SUPT20H: variants seen among roughly 807,000 people sequenced by gnomAD.
SUPT20H encodes the protein SPT20 homolog, SAGA complex component, also known as transcription factor SPT20 homolog.
In SUPT20H, 82 loss-of-function variants were observed where a neutral mutation model predicts 122.8. That is an observed-to-expected ratio of 0.67 (90% CI 0.56 to 0.80). The LOEUF is 0.80. Among genes scored for constraint, SUPT20H ranks in the 30% least tolerant of loss-of-function variants. SUPT20H has a pLI of 0.00. For synonymous variants in SUPT20H, 291 were observed against 313.0 expected, an observed-to-expected ratio of 0.93 and a Z score of 0.74; for missense variants, 831 against 921.6, an observed-to-expected ratio of 0.90 and a Z score of 1.27.
chr13:37,047,461 C>T (rs1017331002), intron 5 of SUPT20H, 74 bp downstream of exon 5: 27 of 1,349,502 alleles, frequency 2.0e-5, no homozygotes, highest in Non-Finnish European at 2.6e-5. Context: ...AAAAATAATA[C>T]TCCAAATGTA....
At chr13:37,017,839 A>G (rs1213403159) in intron 22 of SUPT20H, among the ~76,000 whole-genome samples, 1 of 152,224 alleles carries the variant, frequency 6.6e-6, no homozygotes, top group Non-Finnish European at 1.5e-5. Context: ...AGCTGAAAAG[A>G]AAGTGCATTT....
intron 1 of SUPT20H, among the ~76,000 whole-genome samples, chr13:37,057,889 A>C (rs1403501267): frequency 6.9e-6 from 1 of 145,640 alleles, no homozygotes; most frequent in Non-Finnish European, 1.5e-5. Flanking sequence ...CAAGAGAATC[A>C]CTTGAACCTG....
intron 3 of SUPT20H, among the ~76,000 whole-genome samples, 189 bp from the exon 4 acceptor site, chr13:37,048,125 C>T (rs915883413): frequency 2.0e-5 from 3 of 152,132 alleles, no homozygotes; most frequent in South Asian, 2.1e-4. Context: ...AACTGCACCA[C>T]GATTTAGCAG....
chr13:37,033,929 T>C (rs2063868165), intron 9 of SUPT20H, among the ~76,000 whole-genome samples: 2 of 152,218 alleles, frequency 1.3e-5, no homozygotes, highest in Non-Finnish European at 2.9e-5. Flanking sequence ...TGTCACATTT[T>C]GGTAATTTTT....
At chr13:37,054,199 G>A (rs887322311) in intron 1 of SUPT20H, among the ~76,000 whole-genome samples, 15 of 152,268 alleles carry the variant, frequency 9.9e-5, no homozygotes, top group Non-Finnish European at 1.2e-4. Flanking sequence ...ACAAGGAGGA[G>A]GTGGTACCAT....
intron 9 of SUPT20H, among the ~76,000 whole-genome samples, chr13:37,036,755 T>A (rs1299503657): frequency 1.3e-5 from 2 of 152,122 alleles, no homozygotes; most frequent in Non-Finnish European, 2.9e-5. Context: ...CTACTCAATG[T>A]GAAGATGATG....
chr13:37,051,221 T>C (rs538760321), intron 2 of SUPT20H, among the ~76,000 whole-genome samples: 13 of 152,354 alleles, frequency 8.5e-5, no homozygotes, highest in African/African-American at 2.9e-4. Flanking sequence ...ATTTGGAATA[T>C]GGCAAAGTAG....
intron 16 of SUPT20H, chr13:37,025,696 C>T (rs755232168): frequency 1.5e-5 from 5 of 337,510 alleles, no homozygotes; most frequent in East Asian, 7.3e-5. Flanking sequence ...ACAGAAATTA[C>T]AGGGATTACT....
chr13:37,044,236 T>C (rs2138823922), intron 6 of SUPT20H, 55 bp from the exon 7 acceptor site: 1 of 1,406,522 alleles, frequency 7.1e-7, no homozygotes, highest in African/African-American at 1.4e-5. Flanking sequence ...AGCTTAGCTG[T>C]ATAATTCAAA....
rs757327637 is a variant in SUPT20H, at chr13:37,017,311, G to A, written c.1926C>T (p.Leu642=). ...FNTLQQQQQQ[L]SQFTPQQPQQ... ...GAGGTTGTTGTGGTGTAAACTGGGAGAGCTGCTGTTGCTGCTGCTGCAGAG... is the reference window on the plus strand; with the variant it reads ...GAGGTTGTTGTGGTGTAAACTGGGAAAGCTGCTGTTGCTGCTGCTGCAGAG... Residue 642 remains leucine (L), a synonymous_variant, in exon 23 of 26, where the codon CTC becomes CTT. Transcript: ENST00000350612. 6.2e-7 allele frequency: 1 copy of A among 1,614,102 alleles called. No individual in the cohort carries two copies. The highest frequency in any genetic ancestry group is 8.5e-7 in the Non-Finnish European group (1 of 1,179,990).
intron 24 of SUPT20H, among the ~76,000 whole-genome samples, chr13:37,011,744 G>A (rs911725700): frequency 1.1e-4 from 17 of 151,938 alleles, no homozygotes; most frequent in Non-Finnish European, 1.5e-5. Context: ...TTTTTTAAAT[G>A]ATAAAAGTGA....
At chr13:37,040,982 A>G (rs1449047783) in intron 7 of SUPT20H, among the ~76,000 whole-genome samples, 1 of 152,232 alleles carries the variant, frequency 6.6e-6, no homozygotes, top group Non-Finnish European at 1.5e-5. Flanking sequence ...TGGCATTTAC[A>G]TACTATTATG....
At chr13:37,029,918 G>A in intron 12 of SUPT20H, 82 bp from the exon 13 acceptor site, 1 of 1,082,616 alleles carries the variant, frequency 9.2e-7, no homozygotes, top group Middle Eastern at 2.0e-4. Flanking sequence ...TCAAAGAGAA[G>A]AAACTAAGTA....
rs1249802857 is a variant in SUPT20H, at chr13:37,025,396, T to C, written c.1253A>G (p.Lys418Arg). The C allele has an allele frequency of 6.2e-7, 1 of 1,613,814 alleles. No homozygotes were observed. Among genetic ancestry groups the C allele is most frequent in the Non-Finnish European group, 8.5e-7 (1 of 1,179,872 alleles). The stretch of plus-strand genomic sequence containing the variant: ...GCTGTGTGACATCTTGACCGGACAT[T>C]TGGCTTCATTCTGGACTAATTCTTG... ...QYQELVQNEA[K>R]CPVKMSHSSS... The change falls in exon 17 of 26, where the codon AAA (lysine) becomes AGA (arginine). Residue 418 changes from lysine to arginine, a missense_variant. Lys to Arg is a conservative substitution (Grantham distance 26). Transcript: ENST00000350612.
Position 37,022,517 on chromosome 13 carries a change from CTAAAAATCCCAT to C in SUPT20H, c.1592-449_1592-438del. On this transcript the variant is annotated intron_variant, in intron 19 of 25. Coordinates refer to ENST00000350612, the MANE Select transcript of SUPT20H (RefSeq NM_001014286.3). The surrounding 1 kb of genome is among the most constrained non-coding windows in gnomAD (Gnocchi z 4.5). The stretch of plus-strand genomic sequence containing the variant: ...TACAATTAAGGATGCAGTATATCAC[CTAAAAATCCCAT>C]TAAAGATGCTATTGCAGTAACAGTA... The C allele has an allele frequency of 4.1e-6, 5 of 1,234,360 alleles. No homozygotes were observed. Among genetic ancestry groups the C allele is most frequent in the Non-Finnish European group, 5.1e-6 (5 of 989,554 alleles). The allele number at this position is 1,234,360 out of a possible 1,614,324, so 76.5% of individuals were successfully genotyped here. A position where few individuals can be genotyped will look rare whatever the true frequency, so the allele number is the denominator to read the frequency against.
Position 37,022,671 on chromosome 13 carries a change from T to G in SUPT20H, c.1592-591A>C. On this transcript the variant is annotated intron_variant, in intron 19 of 25. Transcript: ENST00000350612. The surrounding 1 kb of genome is among the most constrained non-coding windows in gnomAD (Gnocchi z 4.5). Reference sequence around the variant, plus strand: ...ATTAATTTGTTATTTACGATTTCACTAATTCAAGACTTCATTTAAAAATAT... The same window carrying G: ...ATTAATTTGTTATTTACGATTTCACGAATTCAAGACTTCATTTAAAAATAT... 1 of 1,005,854 alleles carries G rather than the reference T, an allele frequency of 9.9e-7. No homozygotes were observed. Among genetic ancestry groups the G allele is most frequent in the Non-Finnish European group, 1.2e-6 (1 of 842,430 alleles). 62.3% of individuals were successfully genotyped at this position (1,005,854 alleles called of 1,614,324 possible). A position where few individuals can be genotyped will look rare whatever the true frequency, so the allele number is the denominator to read the frequency against.
At chr13:37,031,189 CCA>C (rs1315951863) in intron 12 of SUPT20H, among the ~76,000 whole-genome samples, 1 of 151,794 alleles carries the variant, frequency 6.6e-6, no homozygotes, top group African/African-American at 2.4e-5. Flanking sequence ...TCAAATTTAA[CCA>C]GTTTGAGTAA....
At chr13:37,024,295 T>C (rs1440443406) in intron 18 of SUPT20H, 45 bp downstream of exon 18, 3 of 1,523,184 alleles carry the variant, frequency 2.0e-6, no homozygotes, top group East Asian at 4.6e-5. Context: ...TATGATTATA[T>C]AATATTTGTT....
intron 7 of SUPT20H, among the ~76,000 whole-genome samples, chr13:37,040,946 A>G (rs1165609797): frequency 6.6e-6 from 1 of 152,226 alleles, no homozygotes; most frequent in Non-Finnish European, 1.5e-5. Context: ...TGACTTTGGC[A>G]TCTACCAAGT....
Sources: allele counts gnomAD v4.1 joint callset (sites outside exome capture counted in the v4.1 genomes callset), GRCh38; gene constraint gnomAD v4.1.1; non-coding constraint Gnocchi (gnomAD v3.1); transcripts MANE v1.5; gene names NCBI Gene and HGNC (gene_info 2026-07-23, HGNC 2026-07-21).